COL28A1: variants seen among roughly 807,000 people sequenced by gnomAD.
COL28A1 encodes collagen type XXVIII alpha 1 chain.
Under a neutral mutation model 150.2 loss-of-function variants are expected in COL28A1, and 161 were observed. The ratio of observed to expected loss-of-function variants is 1.07; its 90% CI spans 0.94 to 1.22. COL28A1 has a LOEUF of 1.22. COL28A1 is among the 50% of genes most tolerant of loss of function. The pLI, the probability that COL28A1 is intolerant of heterozygous loss-of-function variation, is 0.00. For missense variants in COL28A1, 1,617 were observed against 1,388.3 expected, an observed-to-expected ratio of 1.16 and a Z score of -2.62; for synonymous variants, 552 against 469.7, an observed-to-expected ratio of 1.18 and a Z score of -2.26.
intron 11 of COL28A1, among the ~76,000 whole-genome samples, chr7:7,500,929 G>A (rs560149867): frequency 2.6e-5 from 4 of 152,102 alleles, no homozygotes; most frequent in Non-Finnish European, 4.4e-5. Flanking sequence ...TACCCTCATC[G>A]CCCTCACTGC....
At chr7:7,513,043 C>T (rs1455996201) in intron 8 of COL28A1, among the ~76,000 whole-genome samples, 4 of 152,168 alleles carry the variant, frequency 2.6e-5, no homozygotes, top group Admixed American at 1.3e-4. Context: ...TATATGCTGG[C>T]GGAAGCTTTA....
In COL28A1 at chr7:7,413,207, A is replaced by G. The variant is rs559058678; in HGVS notation, c.2136+4652T>C. 3.2e-4 allele frequency among the ~76,000 whole-genome samples: 48 copies of G among 152,248 alleles called. No homozygotes were observed. The South Asian group carries it at 9.7e-3, about 31-fold the overall frequency. ...TCATTGAGGCTATTTTTTAAAACTG[A>G]TAACAAACTTGTTAGGCATGGAATA... On this transcript the variant is annotated intron_variant, in intron 27 of 34. Coordinates refer to ENST00000399429, the MANE Select transcript of COL28A1 (RefSeq NM_001037763.3).
chr7:7,493,064 A>G (rs1780014008), intron 11 of COL28A1, among the ~76,000 whole-genome samples: 1 of 147,674 alleles, frequency 6.8e-6, no homozygotes, highest in Non-Finnish European at 1.5e-5. Flanking sequence ...TATAATATAT[A>G]TATATATACC....
intron 27 of COL28A1, among the ~76,000 whole-genome samples, chr7:7,412,796 A>AC (rs1182768679): frequency 6.6e-6 from 1 of 152,070 alleles, no homozygotes; most frequent in African/African-American, 2.4e-5. Flanking sequence ...GACATTTTAT[A>AC]CAATTTTTTC....
At chr7:7,386,503 A>C (rs940890683) in intron 27 of COL28A1, among the ~76,000 whole-genome samples, 1 of 152,212 alleles carries the variant, frequency 6.6e-6, no homozygotes, top group Admixed American at 6.5e-5. Context: ...GAAAGTCAAG[A>C]TCCTTCAAGG....
chr7:7,343,444 A>G, the COL28A1 span, among the ~76,000 whole-genome samples: 2 of 151,858 alleles, frequency 1.3e-5, no homozygotes, highest in African/African-American at 2.4e-5. Context: ...AGGTCTTCTG[A>G]ATGATTTTCC....
chr7:7,402,075 C>T (rs930402801), intron 27 of COL28A1, among the ~76,000 whole-genome samples: 2 of 152,196 alleles, frequency 1.3e-5, no homozygotes, highest in East Asian at 1.9e-4. Context: ...CGTGTAGTGA[C>T]GGGATTCTCC....
intron 27 of COL28A1, among the ~76,000 whole-genome samples, chr7:7,394,612 T>C (rs1335282148): frequency 1.3e-5 from 2 of 152,206 alleles, no homozygotes; most frequent in African/African-American, 2.4e-5. Context: ...GTCAGTTCAA[T>C]CTTTTAAACC....
chr7:7,518,210 T>C (rs1781524668), intron 6 of COL28A1, among the ~76,000 whole-genome samples: 1 of 152,172 alleles, frequency 6.6e-6, no homozygotes, highest in African/African-American at 2.4e-5. Flanking sequence ...TCAAGAGTGA[T>C]TGCTTGATTT....
chr7:7,529,684 G>A (rs1035815454), intron 3 of COL28A1, among the ~76,000 whole-genome samples: 1 of 152,154 alleles, frequency 6.6e-6, no homozygotes, highest in African/African-American at 2.4e-5. Flanking sequence ...GCCAAACAAG[G>A]AGCTGCCTGT....
At position 7,395,910 on chromosome 7, in the gene COL28A1, C is replaced by T. The variant is rs558795724; in HGVS notation, c.2137-14298G>A. ...TTTGAAAGTGGTGTGTGAAAGCCTT[C>T]TGCTAGGTCAAATAAAACAGCCAGG... is the stretch of plus-strand genomic sequence containing the variant. On this transcript the variant is annotated intron_variant, in intron 27 of 34. Coordinates refer to ENST00000399429, the MANE Select transcript of COL28A1 (RefSeq NM_001037763.3). Among the ~76,000 whole-genome samples, 10 of 152,294 alleles carry T rather than the reference C, an allele frequency of 6.6e-5. No homozygotes were observed. In the South Asian group the frequency reaches 2.1e-3, roughly 32 times the overall value.
intron 20 of COL28A1, among the ~76,000 whole-genome samples, chr7:7,443,378 C>G (rs1434441466): frequency 6.6e-6 from 1 of 152,094 alleles, no homozygotes; most frequent in Non-Finnish European, 1.5e-5. Context: ...CTTCTCTATG[C>G]TGGGTCTTAC....
chr7:7,432,807 G>C (rs185752478), intron 23 of COL28A1, 107 bp from the exon 24 acceptor site: 1 of 816,564 alleles, frequency 1.2e-6, no homozygotes, highest in Non-Finnish European at 2.1e-6. Context: ...TTTCTAACCC[G>C]GGAGTTAGAA....
chr7:7,484,531 A>T (rs1024965131), intron 13 of COL28A1, among the ~76,000 whole-genome samples: 13 of 151,982 alleles, frequency 8.6e-5, no homozygotes, highest in Admixed American at 4.6e-4. Context: ...ATACTGACTT[A>T]AAAAAGTTCA....
intron 11 of COL28A1, among the ~76,000 whole-genome samples, chr7:7,502,281 A>G (rs1256334719): frequency 6.6e-6 from 1 of 152,206 alleles, no homozygotes; most frequent in Non-Finnish European, 1.5e-5. Flanking sequence ...CTTCTTTCTG[A>G]GAAACATCTA....
chr7:7,348,062 AG>A, the COL28A1 span, among the ~76,000 whole-genome samples: 1 of 152,082 alleles, frequency 6.6e-6, no homozygotes, highest in Non-Finnish European at 1.5e-5. Context: ...CATATAGAGG[AG>A]GAAATAGATT....
the COL28A1 span, among the ~76,000 whole-genome samples, chr7:7,342,801 T>C: frequency 1.3e-5 from 2 of 152,092 alleles, no homozygotes; most frequent in Non-Finnish European, 2.9e-5. Flanking sequence ...ATTTGGGCAA[T>C]GTTCATTTAT....
chr7:7,338,708 G>A, the COL28A1 span, among the ~76,000 whole-genome samples: 1 of 151,988 alleles, frequency 6.6e-6, no homozygotes, highest in Non-Finnish European at 1.5e-5. Context: ...CTCTAGCTAG[G>A]ACTTTCCTTA....
At chr7:7,395,416 T>TAA (rs1782780572) in intron 27 of COL28A1, among the ~76,000 whole-genome samples, 1 of 152,244 alleles carries the variant, frequency 6.6e-6, no homozygotes, top group African/African-American at 2.4e-5. Flanking sequence ...ATTTTACTAT[T>TAA]AAGTTGCTTT....
Sources: gnomAD v4.1 joint callset for allele counts (sites outside exome capture counted in the v4.1 genomes callset) on GRCh38, gnomAD v4.1.1 for gene constraint, MANE v1.5 for transcripts, NCBI Gene and HGNC (gene_info 2026-07-23, HGNC 2026-07-21) for gene names.